The following FUT8 variants were observed in gnomAD, a reference collection of about 807,000 sequenced individuals.
The protein encoded by FUT8 is alpha-(1,6)-fucosyltransferase.
A neutral mutation model predicts 71.3 loss-of-function variants in FUT8; 29 were observed. That is an observed-to-expected ratio of 0.41 (90% confidence interval 0.30 to 0.55). FUT8 has a LOEUF of 0.55. Ranked by LOEUF, FUT8 falls within the 20% of genes least tolerant of loss-of-function variation. FUT8 has a pLI of 0.34. For synonymous variants in FUT8, 254 were observed against 239.3 expected (o/e 1.06, Z -0.57); for missense variants, 544 against 702.1 (o/e 0.77, Z 2.55).
At position 65,561,418 on chromosome 14, in the gene FUT8, G is replaced by A. The variant is rs1012971932; in HGVS notation, c.-146G>A. ...GATCTCTTTGAAAGATTCACTGCAG[G>A]ACTACCAGAGAGAATAATTTGTCTG... is the stretch of plus-strand genomic sequence containing the variant. On this transcript the variant is annotated 5_prime_UTR_variant, in exon 3 of 11. Coordinates refer to ENST00000673929, the MANE Select transcript of FUT8 (RefSeq NM_001371533.1). 1.3e-4 allele frequency: 90 copies of A among 708,246 alleles called. No individual in the cohort carries two copies. Among genetic ancestry groups the A allele is most frequent in the Non-Finnish European group, 2.7e-5 (11 of 413,396 alleles). 43.9% of individuals were successfully genotyped at this position (708,246 alleles called of 1,614,324 possible). A position where few individuals can be genotyped will look rare whatever the true frequency, so the allele number is the denominator to read the frequency against.
the FUT8 span, among the ~76,000 whole-genome samples, chr14:65,375,704 T>G: frequency 6.6e-6 from 1 of 152,212 alleles, no homozygotes; most frequent in Admixed American, 6.5e-5. Context: ...CAGAGAGCCT[T>G]GTAGCAAGTA....
At chr14:65,380,800 A>G in the FUT8 span, among the ~76,000 whole-genome samples, 1 of 152,234 alleles carries the variant, frequency 6.6e-6, no homozygotes, top group Non-Finnish European at 1.5e-5. Context: ...ATTGATCCCA[A>G]TTTTGGAAAG....
rs143833828 is a variant in FUT8 at position 65,667,838 on chromosome 14, C to G, written c.598-1405C>G. Reference sequence around the variant, plus strand: ...ACCATGGTACCCATACCATGTATCACCATACCAAACAGCATGGTACTGGTA... The same window carrying G: ...ACCATGGTACCCATACCATGTATCAGCATACCAAACAGCATGGTACTGGTA... On this transcript the variant is annotated intron_variant, in intron 6 of 10. Transcript: ENST00000673929. 1.8e-3 allele frequency among the ~76,000 whole-genome samples: 274 copies of G among 152,056 alleles called. 1 individual carries two copies. Among genetic ancestry groups the G allele is most frequent in the African/African-American group, 6.4e-3 (265 of 41,502 alleles).
Position 65,699,145 on chromosome 14 carries a change from T to TACACAC in FUT8, c.836-22581_836-22576dup, listed in dbSNP as rs60092488. The stretch of plus-strand genomic sequence containing the variant: ...TGTCATGTAAACACTCCCTCCCTTC[T>TACACAC]ACACACACACACACACACACACACA... On this transcript the variant is annotated intron_variant, in intron 7 of 10. Coordinates refer to ENST00000673929, the MANE Select transcript of FUT8 (RefSeq NM_001371533.1). Among the ~76,000 whole-genome samples, 1,295 of 132,082 alleles carry TACACAC rather than the reference T, an allele frequency of 9.8e-3. 19 individuals are homozygous for TACACAC. Among genetic ancestry groups the TACACAC allele is most frequent in the African/African-American group, 0.021 (726 of 33,836 alleles). The allele number at this position is 132,082 out of a possible 152,430, so 86.7% of individuals were successfully genotyped here. A position where few individuals can be genotyped will look rare whatever the true frequency, so the allele number is the denominator to read the frequency against.
chr14:65,671,154 C>T (rs1349266968), intron 7 of FUT8, among the ~76,000 whole-genome samples: 2 of 152,092 alleles, frequency 1.3e-5, no homozygotes, highest in Non-Finnish European at 2.9e-5. Context: ...AAATAATAGC[C>T]AGGGCCAAAC....
intron 6 of FUT8, among the ~76,000 whole-genome samples, 193 bp downstream of exon 6, chr14:65,629,799 T>G (rs1485409576): frequency 6.6e-6 from 1 of 150,782 alleles, no homozygotes; most frequent in Non-Finnish European, 1.5e-5. Flanking sequence ...ACAAAGACCC[T>G]GTCCTAAAGG....
At chr14:65,677,151 T>TGTGCGCGCGCGCGCGCGC in intron 7 of FUT8, among the ~76,000 whole-genome samples, 3 of 110,702 alleles carry the variant, frequency 2.7e-5, no homozygotes, top group African/African-American at 3.8e-5. Flanking sequence ...TGTGTGTGTG[T>TGTGCGCGCGCGCGCGCGC]GCGCGCGCGC....
Position 65,422,886 on chromosome 14 carries a change from G to C in FUT8, c.-326+9672G>C, listed in dbSNP as rs144815226. Among the ~76,000 whole-genome samples, 46 of 151,986 alleles carry C rather than the reference G, an allele frequency of 3.0e-4. No individual in the cohort carries two copies. The East Asian group carries it at 7.9e-3, about 26-fold the overall frequency. ...AGGCCCAGGCTGATCTTGAACTCCT[G>C]GCCTCAAACGATCCTCCTGCCTCAT... On this transcript the variant is annotated intron_variant, in intron 1 of 10. Coordinates refer to ENST00000673929, the MANE Select transcript of FUT8 (RefSeq NM_001371533.1).
At chr14:65,727,912 C>G (rs1458084233) in intron 9 of FUT8, among the ~76,000 whole-genome samples, 3 of 152,336 alleles carry the variant, frequency 2.0e-5, no homozygotes, top group African/African-American at 4.8e-5. Flanking sequence ...AATCATCTCT[C>G]TCAAGTTCAA....
intron 3 of FUT8, among the ~76,000 whole-genome samples, chr14:65,575,820 A>G (rs1009607184): frequency 6.6e-6 from 1 of 152,048 alleles, no homozygotes; most frequent in Non-Finnish European, 1.5e-5. Context: ...GGTTTTTGCC[A>G]TGTTGGCCAG....
At chr14:65,693,485 G>C (rs555046682) in intron 7 of FUT8, among the ~76,000 whole-genome samples, 7 of 152,196 alleles carry the variant, frequency 4.6e-5, no homozygotes, top group Admixed American at 6.5e-5. Flanking sequence ...GCTTCAGCTC[G>C]GCATCACAGG....
intron 2 of FUT8, among the ~76,000 whole-genome samples, chr14:65,514,750 C>T (rs958293942): frequency 2.0e-5 from 3 of 151,600 alleles, no homozygotes; most frequent in African/African-American, 7.3e-5. Flanking sequence ...TACATGTGCA[C>T]ATAGTGCAGG....
rs759729318 is a variant in FUT8 at position 65,439,969 on chromosome 14, T to C, written c.-325-15652T>C. Among the ~76,000 whole-genome samples, 65 of 132,294 alleles carry C rather than the reference T, an allele frequency of 4.9e-4. 3 individuals carry two copies. Among genetic ancestry groups the C allele is most frequent in the Admixed American group, 8.2e-4 (11 of 13,482 alleles). 86.8% of individuals were successfully genotyped at this position (132,294 alleles called of 152,430 possible). A position where few individuals can be genotyped will look rare whatever the true frequency, so the allele number is the denominator to read the frequency against. On this transcript the variant is annotated intron_variant, in intron 1 of 10. Transcript: ENST00000673929. ...GTGTGTGTGTGTATATATATATATATATATATATATATATATATATATGTA... is the reference window on the plus strand; with the variant it reads ...GTGTGTGTGTGTATATATATATATACATATATATATATATATATATATGTA...
intron 3 of FUT8, among the ~76,000 whole-genome samples, chr14:65,602,880 G>C (rs938584123): frequency 6.6e-6 from 1 of 151,422 alleles, no homozygotes; most frequent in Non-Finnish European, 1.5e-5. Flanking sequence ...TTTTTTCCTT[G>C]CTGTGGATTC....
intron 7 of FUT8, among the ~76,000 whole-genome samples, chr14:65,681,918 C>T (rs762866924): frequency 1.3e-5 from 2 of 152,146 alleles, no homozygotes; most frequent in Non-Finnish European, 2.9e-5. Flanking sequence ...AAATATTGTG[C>T]TCAGGGATCA....
chr14:65,529,432 C>G (rs1375428362), intron 2 of FUT8: 1 of 152,266 alleles, frequency 6.6e-6, no homozygotes, highest in Non-Finnish European at 1.5e-5. Flanking sequence ...GGGGTTTCAC[C>G]ATGTTAGTCA....
intron 6 of FUT8, among the ~76,000 whole-genome samples, chr14:65,664,441 T>G (rs1466277660): frequency 6.6e-6 from 1 of 152,142 alleles, no homozygotes; most frequent in African/African-American, 2.4e-5. Flanking sequence ...AATCAGCAAC[T>G]CTACTACTTG....
At chr14:65,384,722 T>C in the FUT8 span, among the ~76,000 whole-genome samples, 1 of 152,186 alleles carries the variant, frequency 6.6e-6, no homozygotes, top group Non-Finnish European at 1.5e-5. The surrounding 1 kb of genome is among the most constrained non-coding windows in gnomAD (Gnocchi z 4.2). Context: ...TTTAAATGCA[T>C]TTTCATGTTA....
the FUT8 span, among the ~76,000 whole-genome samples, chr14:65,381,936 C>G: frequency 1.6e-3 from 238 of 152,332 alleles, 2 homozygotes; most frequent in Middle Eastern, 0.024. Context: ...GTAGTCTACA[C>G]TCTCTCCCTC....
Sources: allele counts gnomAD v4.1 joint callset (sites outside exome capture counted in the v4.1 genomes callset), GRCh38; gene constraint gnomAD v4.1.1; non-coding constraint Gnocchi (gnomAD v3.1); transcripts MANE v1.5; gene names NCBI Gene and HGNC (gene_info 2026-07-23, HGNC 2026-07-21).